Variants in WDR7 observed in about 807,000 individuals in gnomAD.
WDR7 encodes WD repeat-containing protein 7.
In WDR7, 46 loss-of-function variants were observed where a neutral mutation model predicts 169.4. The observed-to-expected ratio is 0.27, with a 90% confidence interval of 0.21 to 0.35. The LOEUF (loss-of-function observed/expected upper bound fraction) is 0.35, where lower values mean the gene tolerates loss of function less well. Ranked by LOEUF, WDR7 falls within the 10% of genes least tolerant of loss-of-function variation. The pLI, the probability that WDR7 is intolerant of heterozygous loss-of-function variation, is 1.00. For missense variants in WDR7, 1,534 were observed against 1,859.3 expected (o/e 0.83, Z 3.22); for synonymous variants, 612 against 666.8 (o/e 0.92, Z 1.27).
chr18:56,713,873 T>G (rs2026135109), intron 12 of WDR7, among the ~76,000 whole-genome samples: 1 of 151,954 alleles, frequency 6.6e-6, no homozygotes, highest in South Asian at 2.1e-4. Context: ...TTAATAATTT[T>G]GAGGACAGAT....
At chr18:56,959,261 G>A (rs922301988) in intron 25 of WDR7, among the ~76,000 whole-genome samples, 18 of 152,116 alleles carry the variant, frequency 1.2e-4, no homozygotes, top group Admixed American at 2.0e-4. Context: ...TGTGACTAGA[G>A]CAGCGTGAAC....
chr18:56,683,855 A>T (rs2025395779), intron 5 of WDR7, among the ~76,000 whole-genome samples: 1 of 152,228 alleles, frequency 6.6e-6, no homozygotes, highest in African/African-American at 2.4e-5. Context: ...TTTATTCAGT[A>T]GTCATTCAGC....
At chr18:56,744,245 G>GACAAAAAA (rs2043667385) in intron 14 of WDR7, among the ~76,000 whole-genome samples, 1 of 86,884 alleles carries the variant, frequency 1.2e-5, no homozygotes, top group Non-Finnish European at 2.2e-5. Context: ...TCTCAAAAAA[G>GACAAAAAA]AAAAAAAAAA....
At chr18:56,774,895 CT>C (rs1364609632) in intron 16 of WDR7, among the ~76,000 whole-genome samples, 1 of 151,830 alleles carries the variant, frequency 6.6e-6, no homozygotes, top group Non-Finnish European at 1.5e-5. Context: ...GTGTAAATGC[CT>C]TTTTTTCTAA....
chr18:57,012,943 A>T (rs1459968701), intron 26 of WDR7, among the ~76,000 whole-genome samples: 1 of 152,182 alleles, frequency 6.6e-6, no homozygotes, highest in African/African-American at 2.4e-5. Flanking sequence ...AGTTTATGTA[A>T]AAGTGTCTGG....
chr18:57,011,306 G>A (rs1401633602), intron 26 of WDR7, among the ~76,000 whole-genome samples: 3 of 150,308 alleles, frequency 2.0e-5, no homozygotes, highest in East Asian at 1.9e-4. Flanking sequence ...GTTTGTCCTC[G>A]AATGACATAT....
intron 1 of WDR7, among the ~76,000 whole-genome samples, chr18:56,667,234 G>A (rs966105964): frequency 2.6e-5 from 4 of 151,972 alleles, no homozygotes; most frequent in East Asian, 1.9e-4. Flanking sequence ...GTGGCCTTAC[G>A]TATTTCGCCA....
intron 19 of WDR7, among the ~76,000 whole-genome samples, chr18:56,802,726 T>C (rs1178857759): frequency 6.6e-6 from 1 of 152,112 alleles, no homozygotes; most frequent in African/African-American, 2.4e-5. Flanking sequence ...TAAATAAATA[T>C]ATAATTTTCA....
intron 25 of WDR7, among the ~76,000 whole-genome samples, chr18:56,948,072 A>G (rs1237548705): frequency 6.6e-6 from 1 of 151,986 alleles, no homozygotes; most frequent in African/African-American, 2.4e-5. Flanking sequence ...GTCATAAGAG[A>G]TTTTAGGATT....
chr18:56,725,052 A>T (rs2026412440), intron 13 of WDR7, among the ~76,000 whole-genome samples: 1 of 151,196 alleles, frequency 6.6e-6, no homozygotes, highest in South Asian at 2.1e-4. Flanking sequence ...CCAGTCTATC[A>T]TTGTTGGACA....
chr18:56,691,401 A>G, intron 8 of WDR7, 40 bp downstream of exon 8: 2 of 1,535,888 alleles, frequency 1.3e-6, no homozygotes, highest in Non-Finnish European at 1.7e-6. Context: ...CATCAAAAGT[A>G]AAAGATTCAG....
chr18:56,939,035 T>G (rs1189451718), intron 24 of WDR7, among the ~76,000 whole-genome samples: 6 of 152,190 alleles, frequency 3.9e-5, no homozygotes, highest in Non-Finnish European at 1.5e-5. Flanking sequence ...TATAATGTGT[T>G]GAATAATGTA....
At chr18:56,975,872 A>T (rs2145815921) in intron 26 of WDR7, among the ~76,000 whole-genome samples, 1 of 152,292 alleles carries the variant, frequency 6.6e-6, no homozygotes, top group Non-Finnish European at 1.5e-5. Flanking sequence ...ATTTTTCAAG[A>T]TAAGCTGAAC....
chr18:56,811,074 G>A (rs558419690), intron 19 of WDR7, among the ~76,000 whole-genome samples: 4 of 152,186 alleles, frequency 2.6e-5, no homozygotes, highest in South Asian at 2.1e-4. Context: ...TTTATTTAGC[G>A]TTAAAATTGT....
At chr18:56,729,887 G>A (rs993649591) in intron 13 of WDR7, among the ~76,000 whole-genome samples, 2 of 151,968 alleles carry the variant, frequency 1.3e-5, no homozygotes, top group Admixed American at 6.6e-5. Flanking sequence ...ATATCTGTAC[G>A]GTAAGATATA....
intron 14 of WDR7, among the ~76,000 whole-genome samples, chr18:56,734,091 G>A (rs1438165985): frequency 6.6e-6 from 1 of 152,126 alleles, no homozygotes; most frequent in African/African-American, 2.4e-5. Context: ...TAGATGTGGA[G>A]CATTCATTAG....
chr18:57,026,721 T>G (rs1009103000), intron 27 of WDR7, among the ~76,000 whole-genome samples: 2 of 152,200 alleles, frequency 1.3e-5, no homozygotes, highest in African/African-American at 2.4e-5. Context: ...ATGAACCATT[T>G]TATTAAGAGG....
chr18:56,666,904 T>TTTC (rs985748276), intron 1 of WDR7, among the ~76,000 whole-genome samples: 3 of 151,758 alleles, frequency 2.0e-5, no homozygotes, highest in African/African-American at 7.3e-5. Context: ...TTTTTTTTTT[T>TTTC]TTTTGTCAAT....
At chr18:56,699,746 A>G (rs1020732872) in intron 12 of WDR7, 11 of 883,090 alleles carry the variant, frequency 1.2e-5, no homozygotes, top group African/African-American at 3.6e-5. Flanking sequence ...AGTTGTTAAG[A>G]AAAAGTACTC....
Sources: gnomAD v4.1 joint callset for allele counts (sites outside exome capture counted in the v4.1 genomes callset) on GRCh38, gnomAD v4.1.1 for gene constraint, MANE v1.5 for transcripts, NCBI Gene and HGNC (gene_info 2026-07-23, HGNC 2026-07-21) for gene names.